RASEF: variants seen among roughly 807,000 people sequenced by gnomAD.
RASEF encodes the protein ras and EF-hand domain-containing protein.
A neutral mutation model predicts 90.1 loss-of-function variants in RASEF; 68 were observed. That is an observed-to-expected ratio of 0.75 (90% confidence interval 0.62 to 0.92). The LOEUF is 0.92. RASEF is among the 40% of genes least tolerant of loss of function. The probability of loss-of-function intolerance (pLI) is 0.00; values close to 1 mark genes in which losing one functional copy is unlikely to be tolerated. For missense variants in RASEF, 949 were observed against 937.2 expected, an observed-to-expected ratio of 1.01 and a Z score of -0.16; for synonymous variants, 331 against 345.2, an observed-to-expected ratio of 0.96 and a Z score of 0.46.
intron 12 of RASEF, among the ~76,000 whole-genome samples, chr9:82,998,989 GA>G (rs1390877624): frequency 6.6e-6 from 1 of 152,072 alleles, no homozygotes; most frequent in African/African-American, 2.4e-5. Context: ...TCTGACAACT[GA>G]ACCAAATACT....
chr9:83,030,383 T>C (rs1049331672), intron 1 of RASEF, among the ~76,000 whole-genome samples: 3 of 151,720 alleles, frequency 2.0e-5, no homozygotes, highest in Non-Finnish European at 4.4e-5. Context: ...TACTGTCACC[T>C]AGAGTCCTTG....
chr9:82,990,976 T>C (rs1377401337), intron 15 of RASEF, among the ~76,000 whole-genome samples: 1 of 152,210 alleles, frequency 6.6e-6, no homozygotes, highest in African/African-American at 2.4e-5. Flanking sequence ...GCATATGATA[T>C]CATGTCACTC....
At chr9:83,068,400 C>T in the RASEF span, among the ~76,000 whole-genome samples, 5 of 152,168 alleles carry the variant, frequency 3.3e-5, no homozygotes, top group African/African-American at 1.2e-4. Context: ...TGATTCCATT[C>T]CCCTCCTGGC....
At chr9:83,160,006 T>G in the RASEF span, among the ~76,000 whole-genome samples, 1 of 152,372 alleles carries the variant, frequency 6.6e-6, no homozygotes. Flanking sequence ...TCTGCCGTGA[T>G]TGTGAGGCCT....
the RASEF span, among the ~76,000 whole-genome samples, chr9:83,128,413 T>G: frequency 2.6e-4 from 39 of 151,964 alleles, no homozygotes; most frequent in East Asian, 7.0e-3. Context: ...CTTTCCTAAC[T>G]GGATTTCTAC....
At chr9:83,122,506 T>A in the RASEF span, among the ~76,000 whole-genome samples, 2,096 of 152,200 alleles carry the variant, frequency 0.014, 54 homozygotes, top group African/African-American at 0.048. Flanking sequence ...CCAGTCTCCC[T>A]CCACGCCTGT....
At chr9:83,175,628 TGGA>T in the RASEF span, among the ~76,000 whole-genome samples, 75 of 152,210 alleles carry the variant, frequency 4.9e-4, no homozygotes, top group African/African-American at 1.6e-3. Flanking sequence ...TTGCCCAGGC[TGGA>T]GTGCAGTGGT....
the RASEF span, among the ~76,000 whole-genome samples, chr9:83,077,519 A>G: frequency 6.6e-6 from 1 of 152,150 alleles, no homozygotes; most frequent in East Asian, 1.9e-4. Flanking sequence ...TGCAAATTGA[A>G]CTTCTTAAGT....
chr9:83,013,389 G>A lies in RASEF; in HGVS notation c.766-878C>T, dbSNP rs1458818885. On this transcript the variant is annotated intron_variant, in intron 4 of 16. Transcript: ENST00000376447. ...TTCACCTTGCCAGATGCTATAAAGG[G>A]ATAGTGTTTACATAACAACGTCATG... Among the ~76,000 whole-genome samples the A allele has an allele frequency of 2.6e-5, 4 of 152,300 alleles. No individual in the cohort carries two copies. The East Asian group carries it at 7.7e-4, about 29-fold the overall frequency.
the RASEF span, among the ~76,000 whole-genome samples, chr9:83,194,494 C>T: frequency 6.6e-6 from 1 of 152,176 alleles, no homozygotes; most frequent in Non-Finnish European, 1.5e-5. Context: ...CCTTGACCAC[C>T]TGGCCGCCAT....
chr9:83,146,166 TG>T, the RASEF span, among the ~76,000 whole-genome samples: 1 of 151,536 alleles, frequency 6.6e-6, no homozygotes, highest in African/African-American at 2.4e-5. Context: ...GCAAGAAGTT[TG>T]TTTTTCGTAA....
chr9:83,044,427 G>T (rs1390500850), intron 1 of RASEF, among the ~76,000 whole-genome samples: 2 of 152,050 alleles, frequency 1.3e-5, no homozygotes, highest in Non-Finnish European at 2.9e-5. Context: ...AGAGGGGTAG[G>T]AACAAGGCTG....
At chr9:83,098,829 C>T in the RASEF span, among the ~76,000 whole-genome samples, 5 of 152,226 alleles carry the variant, frequency 3.3e-5, no homozygotes, top group East Asian at 9.7e-4. Context: ...GAGAAAACCC[C>T]CCATGATTCC....
the RASEF span, among the ~76,000 whole-genome samples, chr9:83,130,528 T>G: frequency 6.6e-6 from 1 of 152,218 alleles, no homozygotes; most frequent in South Asian, 2.1e-4. Flanking sequence ...AAACCACATT[T>G]TCTCCTGAGA....
intron 1 of RASEF, among the ~76,000 whole-genome samples, chr9:83,059,475 T>C (rs903965005): frequency 8.5e-5 from 13 of 152,082 alleles, no homozygotes; most frequent in Non-Finnish European, 1.3e-4. Flanking sequence ...CAAAGAATAC[T>C]GATTTATTCT....
chr9:83,215,058 GAGAA>G, the RASEF span, among the ~76,000 whole-genome samples: 2 of 151,772 alleles, frequency 1.3e-5, no homozygotes, highest in African/African-American at 4.8e-5. Flanking sequence ...TGATGTGGCA[GAGAA>G]AGAGAGAAGA....
rs1337021855 is a variant in RASEF at position 83,000,278 on chromosome 9, T to G, written c.1614A>C (p.Ser538=). 2 of 1,614,066 alleles carry G rather than the reference T, an allele frequency of 1.2e-6. 1 individual carries two copies. Among genetic ancestry groups the G allele is most frequent in the South Asian group, 2.2e-5 (2 of 91,076 alleles). ...CAAGTACAATCTTGTAAGCCTTCTG[T>G]GAGCTAAAAGATTTAGCGTTGTCAT... ...LVDDNAKSFS[S]QKAYKIVLAG... The change falls in exon 12 of 17, where the codon TCA becomes TCC. Residue 538 remains serine, a synonymous_variant. Transcript: ENST00000376447.
At chr9:83,154,659 T>C in the RASEF span, among the ~76,000 whole-genome samples, 2 of 152,192 alleles carry the variant, frequency 1.3e-5, no homozygotes, top group African/African-American at 2.4e-5. Flanking sequence ...TCTACCTAGG[T>C]TGGCCATCTC....
At chr9:83,001,461 G>A (rs942131132) in intron 9 of RASEF, among the ~76,000 whole-genome samples, 1 of 152,144 alleles carries the variant, frequency 6.6e-6, no homozygotes, top group Non-Finnish European at 1.5e-5. Context: ...AAAAATGTAT[G>A]CAGAATATAT....
Sources: allele counts gnomAD v4.1 joint callset (sites outside exome capture counted in the v4.1 genomes callset), GRCh38; gene constraint gnomAD v4.1.1; transcripts MANE v1.5; gene names NCBI Gene and HGNC (gene_info 2026-07-23, HGNC 2026-07-21).